Variants in POLQ observed in about 807,000 individuals in gnomAD.
POLQ encodes the protein epididymis secretory sperm binding protein.
In POLQ, 233 loss-of-function variants were observed where a neutral mutation model predicts 259.2. The ratio of observed to expected loss-of-function variants is 0.90; its 90% CI spans 0.81 to 1.00. The LOEUF (loss-of-function observed/expected upper bound fraction) is 1.00. Ranked by LOEUF, POLQ falls within the 50% of genes least tolerant of loss-of-function variation. The pLI is 0.00. For synonymous variants in POLQ, 1,025 were observed against 1,048.8 expected (o/e 0.98, Z 0.44); for missense variants, 2,871 against 3,051.6 (o/e 0.94, Z 1.39).
intron 3 of POLQ, among the ~76,000 whole-genome samples, chr3:121,540,680 T>A (rs2048483398): frequency 6.6e-6 from 1 of 152,172 alleles, no homozygotes; most frequent in African/African-American, 2.4e-5. Context: ...CCTTAAACAC[T>A]CTTTCCTTTC....
Position 121,479,610 on chromosome 3 carries a change from C to A in POLQ, c.6211+1962G>T, listed in dbSNP as rs1460522129. Among the ~76,000 whole-genome samples the A allele has an allele frequency of 3.3e-5, 5 of 152,060 alleles. No homozygotes were observed. In the East Asian group the frequency reaches 9.7e-4, roughly 29 times the overall value. The stretch of plus-strand genomic sequence containing the variant: ...CTGGGATTACAGGTGCATGCAACCA[C>A]ACCCAGCTAATTTTTGATTTTTAGT... On this transcript the variant is annotated intron_variant, in intron 19 of 29. Coordinates refer to ENST00000264233, the MANE Select transcript of POLQ (RefSeq NM_199420.4).
chr3:121,451,676 T>A (rs1369050845), intron 25 of POLQ, among the ~76,000 whole-genome samples: 3 of 152,178 alleles, frequency 2.0e-5, no homozygotes, highest in Admixed American at 2.0e-4. Flanking sequence ...TAACTGGCCG[T>A]GTGAGGTGTC....
In POLQ at chr3:121,451,124, G is replaced by A. The variant is rs1049069078; in HGVS notation, c.7153-1698C>T. Among the ~76,000 whole-genome samples, 5 of 152,284 alleles carry A rather than the reference G, an allele frequency of 3.3e-5. No homozygotes were observed. The East Asian group carries it at 5.8e-4, about 18-fold the overall frequency. ...ATTTGTCACGTAGTTCTTTTGCCAC[G>A]GTTTTCAGCTCCATCAGGTCATTTA... On this transcript the variant is annotated intron_variant, in intron 25 of 29. Coordinates refer to ENST00000264233, the MANE Select transcript of POLQ (RefSeq NM_199420.4).
chr3:121,450,274 A>G (rs2047663672), intron 25 of POLQ, among the ~76,000 whole-genome samples: 1 of 152,204 alleles, frequency 6.6e-6, no homozygotes, highest in South Asian at 2.1e-4. Context: ...TTGCATGATT[A>G]TCAGAATTCC....
Position 121,510,875 on chromosome 3 carries a change from G to A in POLQ, c.1612-632C>T, listed in dbSNP as rs1576421786. Among the ~76,000 whole-genome samples, 10 of 152,152 alleles carry A rather than the reference G, an allele frequency of 6.6e-5. No individual in the cohort carries two copies. The South Asian group carries it at 1.9e-3, about 28-fold the overall frequency. ...CCAAGGCGGGCAGATCACGAGGTCA[G>A]GAGATCAAGACCATCCTGGCCAACA... On this transcript the variant is annotated intron_variant, in intron 10 of 29. Coordinates refer to ENST00000264233, the MANE Select transcript of POLQ (RefSeq NM_199420.4).
chr3:121,511,801 T>A lies in POLQ; in HGVS notation c.1611+86A>T. ...TCAAAAATAAATTAAAAAAAATAAA[T>A]AAATAAAGCTAAGATTTTCATATAC... On this transcript the variant is annotated intron_variant, in intron 10 of 29. Transcript: ENST00000264233. 1.9e-6 allele frequency: 2 copies of A among 1,064,316 alleles called. 1 individual carries two copies. Among genetic ancestry groups the A allele is most frequent in the East Asian group, 5.1e-5 (2 of 39,252 alleles). 65.9% of individuals were successfully genotyped at this position (1,064,316 alleles called of 1,614,324 possible).
chr3:121,519,056 A>G (rs910021670), intron 9 of POLQ, among the ~76,000 whole-genome samples: 6 of 152,096 alleles, frequency 3.9e-5, no homozygotes, highest in Non-Finnish European at 8.8e-5. Context: ...AAAAAAATGA[A>G]AAGGTGTTTT....
intron 20 of POLQ, among the ~76,000 whole-genome samples, chr3:121,474,620 G>T (rs1390690466): frequency 2.0e-5 from 3 of 152,180 alleles, no homozygotes; most frequent in Non-Finnish European, 4.4e-5. Context: ...GATAATCCCT[G>T]TACTTCTCTA....
rs2048531646 is a variant in POLQ at position 121,545,954 on chromosome 3, C to T, written c.-77G>A. ...TCTCGGGAGAACCCTGGCCTGGCAACAGCTGCGGACATCTTCCCGCCAGTC... is the reference window on the plus strand; with the variant it reads ...TCTCGGGAGAACCCTGGCCTGGCAATAGCTGCGGACATCTTCCCGCCAGTC... On this transcript the variant is annotated 5_prime_UTR_variant, in exon 1 of 30. Transcript: ENST00000264233. 6.0e-6 allele frequency: 9 copies of T among 1,502,906 alleles called. No homozygotes were observed. Among genetic ancestry groups the T allele is most frequent in the East Asian group, 2.4e-5 (1 of 41,762 alleles). The allele number at this position is 1,502,906 out of a possible 1,614,324, so 93.1% of individuals were successfully genotyped here. A position where few individuals can be genotyped will look rare whatever the true frequency, so the allele number is the denominator to read the frequency against.
chr3:121,509,945 C>A, intron 11 of POLQ, 94 bp downstream of exon 11: 3 of 1,068,788 alleles, frequency 2.8e-6, no homozygotes, highest in Non-Finnish European at 4.2e-6. Flanking sequence ...TCCTTTTATA[C>A]TACATGAAAA....
rs763864000 is a variant in POLQ at position 121,476,605 on chromosome 3, C to G, written c.6340G>C (p.Glu2114Gln). ...CCAGCTAGTTGATAGGCCTGGGTCT[C>G]AATTGCATCCAGCTTGGCTTGCATT... ...HIMQAKLDAI[E>Q]TQAYQLAGHS... Residue 2114 changes from glutamate (E) to glutamine (Q), a missense_variant, in exon 20 of 30, where the codon GAG (glutamate) becomes CAG (glutamine). Physicochemically the swap from Glu to Gln is conservative, Grantham distance 29. Around this residue, in one of 3 missense-constraint regions of POLQ, gnomAD observed 2,080 missense variants for 2,126.0 expected, o/e 0.98. Transcript: ENST00000264233. The G allele has an allele frequency of 1.2e-6, 2 of 1,614,004 alleles. No homozygotes were observed. The highest frequency in any genetic ancestry group is 1.7e-6 in the Non-Finnish European group (2 of 1,179,926).
At chr3:121,449,222 T>C in intron 26 of POLQ, 93 bp downstream of exon 26, 7 of 677,990 alleles carry the variant, frequency 1.0e-5, no homozygotes, top group East Asian at 2.6e-5. Context: ...TTCTGACTAA[T>C]TGATATTTCA....
At chr3:121,498,390 A>C in intron 13 of POLQ, 87 bp downstream of exon 13, 1 of 873,478 alleles carries the variant, frequency 1.1e-6, no homozygotes, top group Non-Finnish European at 1.7e-6. Context: ...TTTTATTGAC[A>C]ATGAAAGTGA....
At chr3:121,439,522 TGTGCCTGGCCAGATA>T (rs1214105814) in intron 27 of POLQ, among the ~76,000 whole-genome samples, 1 of 152,154 alleles carries the variant, frequency 6.6e-6, no homozygotes, top group African/African-American at 2.4e-5. Flanking sequence ...CATGAGCCAC[TGTGCCTGGCCAGATA>T]GTGCTTTTAA....
chr3:121,463,564 T>C (rs188794333), intron 24 of POLQ, among the ~76,000 whole-genome samples: 7 of 152,314 alleles, frequency 4.6e-5, no homozygotes, highest in African/African-American at 7.2e-5. Flanking sequence ...ACAGAGAAAC[T>C]GCTTAATTAA....
rs72969978 is a variant in POLQ, at chr3:121,480,463, T to G, written c.6211+1109A>C. On this transcript the variant is annotated intron_variant, in intron 19 of 29. Coordinates refer to ENST00000264233, the MANE Select transcript of POLQ (RefSeq NM_199420.4). ...TATGAATAAGAAAGCATTAACACTG[T>G]AAAAAATGCATTTAATACCTCCTAA... Among the ~76,000 whole-genome samples, 498 of 152,076 alleles carry G rather than the reference T, an allele frequency of 3.3e-3. 5 individuals are homozygous for G. The highest frequency in any genetic ancestry group is 0.011 in the African/African-American group (473 of 41,514).
At chr3:121,447,166 T>TA (rs2047638535) in intron 26 of POLQ, among the ~76,000 whole-genome samples, 1 of 137,732 alleles carries the variant, frequency 7.3e-6, no homozygotes, top group East Asian at 2.5e-4. Context: ...TAATGTCTTA[T>TA]AACCCTTTTT....
Position 121,541,343 on chromosome 3 carries a change from C to T in POLQ, c.474+6G>A. ...TCACTATTTCAAACTTAGTAAAAAA[C>T]ATTACCTGGAGGTAGTATTTCTTCT... is the stretch of plus-strand genomic sequence containing the variant. On this transcript the variant is annotated splice_donor_region_variant and intron_variant, in intron 3 of 29. Coordinates refer to ENST00000264233, the MANE Select transcript of POLQ (RefSeq NM_199420.4). The T allele has an allele frequency of 1.3e-6, 2 of 1,580,406 alleles. No individual in the cohort carries two copies. The highest frequency in any genetic ancestry group is 1.7e-6 in the Non-Finnish European group (2 of 1,166,148).
intron 6 of POLQ, among the ~76,000 whole-genome samples, chr3:121,531,442 G>A (rs905640019): frequency 6.6e-6 from 1 of 152,196 alleles, no homozygotes; most frequent in Non-Finnish European, 1.5e-5. Flanking sequence ...CCAGTGTGAA[G>A]GAAGTGAGAG....
Sources: allele counts gnomAD v4.1 joint callset (sites outside exome capture counted in the v4.1 genomes callset), GRCh38; gene constraint gnomAD v4.1.1; regional missense constraint gnomAD v4.1.1; transcripts MANE v1.5; gene names NCBI Gene and HGNC (gene_info 2026-07-23, HGNC 2026-07-21).